LY9: variants seen among roughly 807,000 people sequenced by gnomAD.
The protein encoded by LY9 is lymphocyte antigen 9.
In LY9, 59 loss-of-function variants were observed where a neutral mutation model predicts 64.6. The observed-to-expected ratio is 0.91, with a 90% confidence interval of 0.74 to 1.13. The LOEUF is 1.13. LY9 is among the 50% of genes most tolerant of loss of function. The probability of loss-of-function intolerance (pLI) is 0.00; values close to 1 mark genes in which losing one functional copy is unlikely to be tolerated. For missense variants in LY9, 789 were observed against 797.2 expected (o/e 0.99, Z 0.12); for synonymous variants, 281 against 308.5 (o/e 0.91, Z 0.93).
chr1:160,813,881 C>G lies in LY9; in HGVS notation c.700C>G (p.Leu234Val). The G allele has an allele frequency of 6.2e-7, 1 of 1,614,166 alleles. No individual in the cohort carries two copies. The highest frequency in any genetic ancestry group is 8.5e-7 in the Non-Finnish European group (1 of 1,180,018). ...AQNPVSQRSS[L>V]PVHVGQFCTD... The stretch of plus-strand genomic sequence containing the variant: ...GAACCCCGTCAGCCAGAGAAGCTCC[C>G]TCCCTGTCCATGTTGGGCAGTTCTG... Residue 234 changes from leucine (L) to valine (V), a missense_variant, in exon 3 of 10, where the codon CTC becomes GTC. Coordinates refer to ENST00000263285, the MANE Select transcript of LY9 (RefSeq NM_002348.4).
chr1:160,804,349 T>C (rs1030086599), intron 2 of LY9, among the ~76,000 whole-genome samples: 3 of 152,166 alleles, frequency 2.0e-5, no homozygotes, highest in Non-Finnish European at 2.9e-5. Context: ...GAGATGATCA[T>C]ATGGTTTTTA....
chr1:160,808,921 A>C (rs901522666), intron 2 of LY9, among the ~76,000 whole-genome samples: 9 of 152,160 alleles, frequency 5.9e-5, no homozygotes, highest in Non-Finnish European at 7.3e-5. Context: ...ACCTAATTCC[A>C]TATACACAGA....
rs563667866 is a variant in LY9, at chr1:160,815,759, TGAG to T, written c.1073-831_1073-829del. ...TGGCTGGGGTGAAATCAGAGAAGAC[TGAG>T]GAGAAGCCCTTGGTGTCCAAAGACA... On this transcript the variant is annotated intron_variant, in intron 4 of 9. Transcript: ENST00000263285. Among the ~76,000 whole-genome samples the T allele has an allele frequency of 2.6e-3, 400 of 152,334 alleles. 7 individuals carry two copies. The South Asian group carries it at 0.039, about 15-fold the overall frequency.
At chr1:160,804,772 T>C (rs1295750688) in intron 2 of LY9, among the ~76,000 whole-genome samples, 1 of 152,206 alleles carries the variant, frequency 6.6e-6, no homozygotes, top group Admixed American at 6.5e-5. Flanking sequence ...CTACTTGTCG[T>C]TGGTGTCTGT....
At chr1:160,800,111 ATCTTT>A in intron 2 of LY9, 29 bp downstream of exon 2, 2 of 1,554,346 alleles carry the variant, frequency 1.3e-6, no homozygotes, top group African/African-American at 2.8e-5. Context: ...CTGTGTTTTG[ATCTTT>A]TCTTTTTTTT....
intron 2 of LY9, chr1:160,809,664 A>G (rs1413239535): frequency 1.3e-5 from 2 of 151,844 alleles, no homozygotes; most frequent in South Asian, 2.1e-4. Context: ...AGCTTAGTAT[A>G]TACATTTTTA....
At chr1:160,813,562 C>T in intron 2 of LY9, 74 bp from the exon 3 acceptor site, 1 of 1,477,132 alleles carries the variant, frequency 6.8e-7, no homozygotes, top group Middle Eastern at 1.8e-4. Flanking sequence ...CCCCTATTGT[C>T]ACTCCCTTCT....
intron 2 of LY9, among the ~76,000 whole-genome samples, chr1:160,807,490 C>T (rs1351386594): frequency 6.6e-6 from 1 of 152,118 alleles, no homozygotes; most frequent in African/African-American, 2.4e-5. Flanking sequence ...GCAGTGTATG[C>T]TGTCACTTGT....
chr1:160,814,658 G>A lies in LY9; in HGVS notation c.969G>A (p.Lys323=). 2 of 1,614,092 alleles carry A rather than the reference G, an allele frequency of 1.2e-6. No individual in the cohort carries two copies. Among genetic ancestry groups the A allele is most frequent in the Non-Finnish European group, 1.7e-6 (2 of 1,180,012 alleles). Residue 323 remains lysine, a synonymous_variant, in exon 4 of 10, where the codon AAG becomes AAA. Coordinates refer to ENST00000263285, the MANE Select transcript of LY9 (RefSeq NM_002348.4). ...VWVSSQDCSL[K]ISQLKIEDAG... ...TCTCCAGCCAGGACTGCTCCCTGAA[G>A]ATCAGCCAGCTGAAGATAGAGGACG...
intron 2 of LY9, among the ~76,000 whole-genome samples, chr1:160,803,116 T>C (rs980982378): frequency 6.6e-6 from 1 of 151,994 alleles, no homozygotes; most frequent in South Asian, 2.1e-4. Context: ...ACCCCGTCTA[T>C]ACTAAAAATA....
At chr1:160,813,226 C>T (rs188769826) in intron 2 of LY9, 1 of 194,730 alleles carries the variant, frequency 5.1e-6, no homozygotes. Context: ...AAGACACGGG[C>T]AACTCAAATT....
chr1:160,814,468 T>C lies in LY9; in HGVS notation c.779T>C (p.Val260Ala). 2 of 1,613,800 alleles carry C rather than the reference T, an allele frequency of 1.2e-6. No individual in the cohort carries two copies. The highest frequency in any genetic ancestry group is 1.7e-6 in the Non-Finnish European group (2 of 1,179,886). ...ACAACGGGGGAGACTGTGGTAGGGG[T>C]CCTGGGAGAGCCAGTCACCCTGCCA... ...GGTTGETVVGVLGEPVTLPLA... is the reference protein window; with the variant it reads ...GGTTGETVVGALGEPVTLPLA... Residue 260 changes from valine to alanine, a missense_variant, in exon 4 of 10, where the codon GTC becomes GCC. Physicochemically the swap from Val to Ala is moderately conservative, Grantham distance 64. Coordinates refer to ENST00000263285, the MANE Select transcript of LY9 (RefSeq NM_002348.4).
intron 2 of LY9, 159 bp downstream of exon 2, chr1:160,800,241 G>T (rs1283413776): frequency 1.8e-5 from 11 of 606,564 alleles, no homozygotes; most frequent in Non-Finnish European, 2.9e-5. Context: ...TTCCTGTTAA[G>T]TATAGTCACC....
At chr1:160,796,711 C>T (rs1015299977) in intron 1 of LY9, among the ~76,000 whole-genome samples, 2 of 152,152 alleles carry the variant, frequency 1.3e-5, no homozygotes. Flanking sequence ...AAACTCATCT[C>T]CTTGCCAGAA....
At position 160,818,271 on chromosome 1, in the gene LY9, C is replaced by T. The variant is rs201748495; in HGVS notation, c.1396C>T (p.Leu466=). 1 of 1,614,020 alleles carries T rather than the reference C, an allele frequency of 6.2e-7. No individual in the cohort carries two copies. Among genetic ancestry groups the T allele is most frequent in the Non-Finnish European group, 8.5e-7 (1 of 1,180,018 alleles). The change falls in exon 6 of 10, where the codon CTG becomes TTG. Residue 466 remains leucine (L), a synonymous_variant. Transcript: ENST00000263285. ...TGGGTTGTTCCTGATGGTTTGCCTT[C>T]TGTGCGTTGGGATCTTCAGCTGGTG... ...WIGLFLMVCL[L]CVGIFSWCIW... is the part of the protein sequence containing the mutation.
chr1:160,802,239 G>A, intron 2 of LY9: 2 of 1,068,220 alleles, frequency 1.9e-6, no homozygotes, highest in Non-Finnish European at 2.3e-6. Flanking sequence ...TGCATTGCTG[G>A]TAGAGACTCC....
chr1:160,798,023 T>A (rs1006495951), intron 1 of LY9, among the ~76,000 whole-genome samples: 9 of 152,260 alleles, frequency 5.9e-5, no homozygotes, highest in African/African-American at 1.9e-4. Context: ...CTTTTATTAT[T>A]TGTCCTACGG....
rs1334431647 is a variant in LY9, at chr1:160,823,714, A to G, written c.1748A>G (p.Tyr583Cys). ...HDPAPEGQAD[Y>C]DPVTPYVTEV... ...CCAGCCCCTGAGGGCCAAGCAGACT[A>G]TGATCCCGTCACTCCATATGTCACG... Residue 583 changes from tyrosine to cysteine, a missense_variant, in exon 8 of 10, where the codon TAT becomes TGT. Coordinates refer to ENST00000263285, the MANE Select transcript of LY9 (RefSeq NM_002348.4). The G allele has an allele frequency of 6.2e-7, 1 of 1,614,014 alleles. No individual in the cohort carries two copies. The highest frequency in any genetic ancestry group is 1.3e-5 in the African/African-American group (1 of 74,912).
chr1:160,820,673 G>A (rs1668349013), intron 7 of LY9, among the ~76,000 whole-genome samples: 1 of 151,994 alleles, frequency 6.6e-6, no homozygotes, highest in Admixed American at 6.6e-5. Context: ...CTTGGGCAGA[G>A]GGTAAAGAGA....
Sources: allele counts gnomAD v4.1 joint callset (sites outside exome capture counted in the v4.1 genomes callset), GRCh38; gene constraint gnomAD v4.1.1; transcripts MANE v1.5; gene names NCBI Gene and HGNC (gene_info 2026-07-23, HGNC 2026-07-21).